DZIP3: variants seen among roughly 807,000 people sequenced by gnomAD.
DZIP3 encodes DAZ interacting zinc finger protein 3.
In DZIP3, 118 loss-of-function variants were observed where a neutral mutation model predicts 162.0. That is an observed-to-expected ratio of 0.73 (90% confidence interval 0.63 to 0.85). The LOEUF (loss-of-function observed/expected upper bound fraction) is 0.85, where lower values mean the gene tolerates loss of function less well. Ranked by LOEUF, DZIP3 falls within the 40% of genes least tolerant of loss-of-function variation. The pLI, the probability that DZIP3 is intolerant of heterozygous loss-of-function variation, is 0.00. For synonymous variants in DZIP3, 438 were observed against 458.6 expected, an observed-to-expected ratio of 0.96 and a Z score of 0.57; for missense variants, 1,331 against 1,407.0, an observed-to-expected ratio of 0.95 and a Z score of 0.86.
intron 9 of DZIP3, among the ~76,000 whole-genome samples, 199 bp downstream of exon 9, chr3:108,633,271 G>A (rs961352668): frequency 1.3e-5 from 2 of 151,778 alleles, no homozygotes; most frequent in Non-Finnish European, 2.9e-5. Context: ...TATATTCTGT[G>A]AGTCAATAAA....
In DZIP3 at chr3:108,654,286, G is replaced by C; in HGVS notation, c.2175G>C (p.Leu725Phe). 1 of 1,613,666 alleles carries C rather than the reference G, an allele frequency of 6.2e-7. No individual in the cohort carries two copies. Among genetic ancestry groups the C allele is most frequent in the South Asian group, 1.1e-5 (1 of 91,072 alleles). Residue 725 changes from leucine to phenylalanine, a missense_variant, in exon 19 of 33, where the codon TTG becomes TTC. Leu to Phe is a conservative substitution (Grantham distance 22). This residue lies in a region of DZIP3 where 1,278 missense variants were observed against 1,317.1 expected (regional missense o/e 0.97). Coordinates refer to ENST00000361582, the MANE Select transcript of DZIP3 (RefSeq NM_014648.4). Reference sequence around the variant, plus strand: ...ACAAGTTCTATAGCCTGGATGAATTGCATATTCTGGACATGATAGAGCAGG... The same window carrying C: ...ACAAGTTCTATAGCCTGGATGAATTCCATATTCTGGACATGATAGAGCAGG... Reference protein sequence around the residue: ...MEDKFYSLDELHILDMIEQGS... With the variant: ...MEDKFYSLDEFHILDMIEQGS...
intron 19 of DZIP3, among the ~76,000 whole-genome samples, chr3:108,656,198 C>G (rs952719204): frequency 6.6e-6 from 1 of 152,236 alleles, no homozygotes; most frequent in Non-Finnish European, 1.5e-5. Context: ...CCTGCCTCCT[C>G]AAGTGGATCC....
intron 26 of DZIP3, among the ~76,000 whole-genome samples, chr3:108,678,772 C>G (rs1465101641): frequency 6.6e-6 from 1 of 151,964 alleles, no homozygotes. Context: ...TATGTGGGGA[C>G]AGATGACTTT....
At chr3:108,659,523 C>T (rs1197025363) in intron 19 of DZIP3, among the ~76,000 whole-genome samples, 1 of 152,040 alleles carries the variant, frequency 6.6e-6, no homozygotes, top group Non-Finnish European at 1.5e-5. Flanking sequence ...AAACCCACAG[C>T]CAATATCATA....
intron 5 of DZIP3, among the ~76,000 whole-genome samples, chr3:108,619,915 A>C (rs1941235931): frequency 1.3e-5 from 2 of 151,676 alleles, no homozygotes; most frequent in African/African-American, 2.4e-5. Context: ...AAAAAAAAAA[A>C]CAGGAAATTG....
At chr3:108,622,881 T>TCTCTCTCTCTCTCTCTGC (rs1941428814) in intron 5 of DZIP3, among the ~76,000 whole-genome samples, 1 of 39,262 alleles carries the variant, frequency 2.5e-5, no homozygotes, top group Non-Finnish European at 5.8e-5. Context: ...TCTCTCTCTC[T>TCTCTCTCTCTCTCTCTGC]GTGTGTGTGT....
chr3:108,660,446 T>C (rs1431188109), intron 19 of DZIP3, among the ~76,000 whole-genome samples: 2 of 152,158 alleles, frequency 1.3e-5, no homozygotes, highest in Admixed American at 6.5e-5. Context: ...TGTAGAAAGC[T>C]GAAACTGGAT....
At chr3:108,605,287 A>G (rs982113348) in intron 1 of DZIP3, 48 bp from the exon 2 acceptor site, 41 of 1,302,060 alleles carry the variant, frequency 3.1e-5, no homozygotes, top group African/African-American at 4.5e-5. Flanking sequence ...TAGTGGGGAG[A>G]AAGAGTGTAA....
Position 108,629,157 on chromosome 3 carries a change from A to T in DZIP3, c.677A>T (p.Asp226Val). 2 of 1,582,812 alleles carry T rather than the reference A, an allele frequency of 1.3e-6. No individual in the cohort carries two copies. The highest frequency in any genetic ancestry group is 1.7e-6 in the Non-Finnish European group (2 of 1,168,238). ...WFDIDPTEDE[D>V]LPTTFKDLLN... is the part of the protein sequence containing the mutation. ...GACATAGATCCTACAGAAGATGAAGATTTACCTACAACTTTTAAAGTAAGA... is the reference window on the plus strand; with the variant it reads ...GACATAGATCCTACAGAAGATGAAGTTTTACCTACAACTTTTAAAGTAAGA... The change falls in exon 8 of 33, where the codon GAT becomes GTT. Residue 226 changes from aspartate (D) to valine (V), a missense_variant. Coordinates refer to ENST00000361582, the MANE Select transcript of DZIP3 (RefSeq NM_014648.4).
At chr3:108,626,508 G>C (rs1941596765) in intron 7 of DZIP3, among the ~76,000 whole-genome samples, 1 of 152,118 alleles carries the variant, frequency 6.6e-6, no homozygotes, top group East Asian at 1.9e-4. Flanking sequence ...TGGAGTATTG[G>C]CTACTACTTT....
At chr3:108,676,181 G>A (rs1944101729) in intron 25 of DZIP3, among the ~76,000 whole-genome samples, 1 of 152,048 alleles carries the variant, frequency 6.6e-6, no homozygotes, top group Admixed American at 6.6e-5. Flanking sequence ...CAGGCATAGT[G>A]GCTCATGCCT....
chr3:108,678,435 GACTGAA>G (rs1944191143), intron 26 of DZIP3, among the ~76,000 whole-genome samples: 1 of 151,950 alleles, frequency 6.6e-6, no homozygotes, highest in South Asian at 2.1e-4. Flanking sequence ...TGCACGAAAT[GACTGAA>G]ACATCTCAAT....
Position 108,690,800 on chromosome 3 carries a change from G to A in DZIP3, c.3530G>A (p.Trp1177Ter). 6.2e-7 allele frequency: 1 copy of A among 1,613,994 alleles called. No homozygotes were observed. Among genetic ancestry groups the A allele is most frequent in the Non-Finnish European group, 8.5e-7 (1 of 1,179,916 alleles). ...TTTGCTCCTTAGTGCATTAGACCAT[G>A]GTTGATGCAACAGGGGACATGTCCA... Reference protein sequence around the residue: ...HKFHAQCIRPWLMQQGTCPTC... With the variant: ...HKFHAQCIRP The change falls in exon 32 of 33, where the codon TGG becomes TAG. Residue 1177 changes from tryptophan (W) to a stop codon, truncating the protein, a stop_gained. Transcript: ENST00000361582. LOFTEE classifies it high-confidence loss of function.
At chr3:108,602,434 C>T (rs1352061852) in intron 1 of DZIP3, among the ~76,000 whole-genome samples, 1 of 152,136 alleles carries the variant, frequency 6.6e-6, no homozygotes, top group Non-Finnish European at 1.5e-5. Context: ...ATAAGATCAT[C>T]TTGGTTAGTG....
rs183252451 is a variant in DZIP3 at position 108,693,438 on chromosome 3, T to A, written c.*85T>A. 1.3e-5 allele frequency: 2 copies of A among 152,322 alleles called. No individual in the cohort carries two copies. The highest frequency in any genetic ancestry group is 6.5e-5 in the Admixed American group (1 of 15,288). 9.4% of individuals were successfully genotyped at this position (152,322 alleles called of 1,614,324 possible). A position where few individuals can be genotyped will look rare whatever the true frequency, so the allele number is the denominator to read the frequency against. On this transcript the variant is annotated 3_prime_UTR_variant, in exon 33 of 33. Coordinates refer to ENST00000361582, the MANE Select transcript of DZIP3 (RefSeq NM_014648.4). Reference sequence around the variant, plus strand: ...GTTGGAGCTGGCTTGTAATGTCTTATGAGTGACAATCGTTAGTTTGAGGAA... The same window carrying A: ...GTTGGAGCTGGCTTGTAATGTCTTAAGAGTGACAATCGTTAGTTTGAGGAA...
chr3:108,658,134 G>C (rs983567478), intron 19 of DZIP3, among the ~76,000 whole-genome samples: 10 of 152,106 alleles, frequency 6.6e-5, no homozygotes, highest in Non-Finnish European at 1.5e-4. Context: ...TCTGCACCAA[G>C]CGGACCTAAT....
At chr3:108,620,772 G>A (rs532285188) in intron 5 of DZIP3, among the ~76,000 whole-genome samples, 1 of 152,270 alleles carries the variant, frequency 6.6e-6, no homozygotes, top group South Asian at 2.1e-4. Flanking sequence ...CAGAATCCAT[G>A]TGGGAGAGTA....
At chr3:108,638,464 T>G (rs946306046) in intron 12 of DZIP3, among the ~76,000 whole-genome samples, 3 of 152,082 alleles carry the variant, frequency 2.0e-5, no homozygotes, top group Non-Finnish European at 2.9e-5. Flanking sequence ...TACAGGTACC[T>G]GCCACCATGC....
chr3:108,605,322 A>AT lies in DZIP3; in HGVS notation c.-72-9dup. The AT allele has an allele frequency of 6.5e-7, 1 of 1,535,774 alleles. No individual in the cohort carries two copies. The highest frequency in any genetic ancestry group is 8.9e-7 in the Non-Finnish European group (1 of 1,120,390). The stretch of plus-strand genomic sequence containing the variant: ...ACTTTCCTATCTTCATAAAAATATT[A>AT]TTTTCCTTACAGCATTAAAGGGCAG... On this transcript the variant is annotated splice_polypyrimidine_tract_variant and intron_variant, in intron 1 of 32. Coordinates refer to ENST00000361582, the MANE Select transcript of DZIP3 (RefSeq NM_014648.4).
Sources: gnomAD v4.1 joint callset for allele counts (sites outside exome capture counted in the v4.1 genomes callset) on GRCh38, gnomAD v4.1.1 for gene constraint, gnomAD v4.1.1 regional missense constraint, MANE v1.5 for transcripts, NCBI Gene and HGNC (gene_info 2026-07-23, HGNC 2026-07-21) for gene names.